RTBDN: variants seen among roughly 807,000 people sequenced by gnomAD.
RTBDN encodes retbindin.
In RTBDN, 24 loss-of-function variants were observed where a neutral mutation model predicts 21.9. That is an observed-to-expected ratio of 1.10 (90% CI 0.79 to 1.54). The LOEUF (loss-of-function observed/expected upper bound fraction) is 1.54, where lower values mean the gene tolerates loss of function less well. Among genes scored for constraint, RTBDN ranks in the 40% most tolerant of loss-of-function variants. RTBDN has a pLI of 0.00. For synonymous variants in RTBDN, 141 were observed against 125.9 expected (o/e 1.12, Z -0.80); for missense variants, 325 against 315.2 (o/e 1.03, Z -0.23).
intron 4 of RTBDN, 131 bp downstream of exon 4, chr19:12,828,526 A>G (rs934441841): frequency 1.5e-6 from 1 of 648,758 alleles, no homozygotes; most frequent in Non-Finnish European, 2.6e-6. Flanking sequence ...TCTAAACATT[A>G]AGCTGCATCT....
rs778426666 is a variant in RTBDN, at chr19:12,829,775, G to C, written c.169+36C>G. On this transcript the variant is annotated intron_variant, in intron 2 of 5. Transcript: ENST00000674343. Reference sequence around the variant, plus strand: ...CATGGCAGGGTAGGTGTGGGTTTCTGGGTGTTGGTGGTGAGGCAGGGTCTG... The same window carrying C: ...CATGGCAGGGTAGGTGTGGGTTTCTCGGTGTTGGTGGTGAGGCAGGGTCTG... 119 of 1,581,268 alleles carry C rather than the reference G, an allele frequency of 7.5e-5. No individual in the cohort carries two copies. In the Middle Eastern group the frequency reaches 1.2e-3, roughly 16 times the overall value.
At position 12,825,882 on chromosome 19, in the gene RTBDN, G is replaced by C; in HGVS notation, c.514C>G (p.Pro172Ala). The change falls in exon 6 of 6, where the codon CCG (proline) becomes GCG (alanine). Residue 172 changes from proline to alanine, a missense_variant. By Grantham distance (27) the Pro-to-Ala change is conservative. Coordinates refer to ENST00000674343, the MANE Select transcript of RTBDN (RefSeq NM_001270441.2). Reference sequence around the variant, plus strand: ...TGACGGGCTCCAGGAGCAGCCACCGGTAGGGCGTGGCCCAGAGCCGAGCGA... The same window carrying C: ...TGACGGGCTCCAGGAGCAGCCACCGCTAGGGCGTGGCCCAGAGCCGAGCGA... ...LCRSALGHAL[P>A]VAAPGARHCF... 2 of 1,613,140 alleles carry C rather than the reference G, an allele frequency of 1.2e-6. No homozygotes were observed. Among genetic ancestry groups the C allele is most frequent in the Non-Finnish European group, 8.5e-7 (1 of 1,179,632 alleles).
In RTBDN at chr19:12,829,688, A is replaced by C. The variant is rs1453225877; in HGVS notation, c.169+123T>G. On this transcript the variant is annotated intron_variant, in intron 2 of 5. Transcript: ENST00000674343. ...TTCTTATCCACCATTCTTCAGCACT[A>C]TCCGTGCCTCCCACCTTGGTGGCCA... The C allele has an allele frequency of 3.2e-6, 3 of 939,134 alleles. No homozygotes were observed. In the Admixed American group the frequency reaches 7.8e-5, roughly 24 times the overall value. The allele number at this position is 939,134 out of a possible 1,614,324, so 58.2% of individuals were successfully genotyped here.
chr19:12,825,746 G>T lies in RTBDN; in HGVS notation c.650C>A (p.Ala217Glu). 6.2e-7 allele frequency: 1 copy of T among 1,602,038 alleles called. No individual in the cohort carries two copies. Among genetic ancestry groups the T allele is most frequent in the Non-Finnish European group, 8.5e-7 (1 of 1,175,048 alleles). The change falls in exon 6 of 6, where the codon GCG becomes GAG. Residue 217 changes from alanine (A) to glutamate (E), a missense_variant. Transcript: ENST00000674343. ...RSPRTSILDAAGSGSGSGSGS... is the reference protein window; with the variant it reads ...RSPRTSILDAEGSGSGSGSGS... Reference sequence around the variant, plus strand: ...GCTTCCACTGCCACTCCCGCTGCCCGCAGCGTCCAGGATGGAGGTGCGAGG... The same window carrying T: ...GCTTCCACTGCCACTCCCGCTGCCCTCAGCGTCCAGGATGGAGGTGCGAGG...
intron 2 of RTBDN, 172 bp from the exon 3 acceptor site, chr19:12,829,125 A>G: frequency 1.9e-6 from 2 of 1,073,582 alleles, no homozygotes; most frequent in Admixed American, 2.9e-5. Context: ...AGTAATAATC[A>G]TTTCTTGTTT....
chr19:12,826,409 G>A (rs775695974), intron 5 of RTBDN: 1 of 1,265,818 alleles, frequency 7.9e-7, no homozygotes, highest in Admixed American at 2.8e-5. Flanking sequence ...AGAACTTGGT[G>A]GGGGCCGGGG....
intron 5 of RTBDN, 47 bp from the exon 6 acceptor site, chr19:12,825,980 G>A (rs370158241): frequency 1.3e-6 from 2 of 1,498,566 alleles, no homozygotes; most frequent in Non-Finnish European, 1.8e-6. Flanking sequence ...GTCCAGAGAC[G>A]TGGGGGGCGT....
Position 12,825,861 on chromosome 19 carries a change from G to C in RTBDN, c.535C>G (p.Arg179Gly). ...GAGATGGAGATGTTGAAGCAGTGACGGGCTCCAGGAGCAGCCACCGGTAGG... is the reference window on the plus strand; with the variant it reads ...GAGATGGAGATGTTGAAGCAGTGACCGGCTCCAGGAGCAGCCACCGGTAGG... ...HALPVAAPGA[R>G]HCFNISISAV... Residue 179 changes from arginine (R) to glycine (G), a missense_variant, in exon 6 of 6, where the codon CGT becomes GGT. Arg to Gly is a moderately radical substitution (Grantham distance 125). Coordinates refer to ENST00000674343, the MANE Select transcript of RTBDN (RefSeq NM_001270441.2). The C allele has an allele frequency of 1.2e-6, 2 of 1,613,380 alleles. No homozygotes were observed. The highest frequency in any genetic ancestry group is 1.1e-5 in the South Asian group (1 of 91,012).
At chr19:12,829,175 C>A in intron 2 of RTBDN, 1 of 690,508 alleles carries the variant, frequency 1.4e-6, no homozygotes, top group Non-Finnish European at 2.3e-6. Flanking sequence ...GGTAGTGACA[C>A]ATATACTTAA....
chr19:12,831,113 A>G (rs1406516840), intron 1 of RTBDN, among the ~76,000 whole-genome samples: 1 of 151,486 alleles, frequency 6.6e-6, no homozygotes, highest in Non-Finnish European at 1.5e-5. Flanking sequence ...TTTGCAGTTG[A>G]ATAAAACAGG....
Position 12,830,360 on chromosome 19 carries a change from T to G in RTBDN, c.-18-363A>C. Reference sequence around the variant, plus strand: ...AGGTCTTCCAATCCCCCTCTCCTGTTCAGTAATTCCTCCCTCTCTTCTATG... The same window carrying G: ...AGGTCTTCCAATCCCCCTCTCCTGTGCAGTAATTCCTCCCTCTCTTCTATG... On this transcript the variant is annotated intron_variant, in intron 1 of 5. Transcript: ENST00000674343. The surrounding 1 kb of genome is among the most constrained non-coding windows in gnomAD (Gnocchi z 4.2). 1 of 1,011,040 alleles carries G rather than the reference T, an allele frequency of 9.9e-7. No homozygotes were observed. Among genetic ancestry groups the G allele is most frequent in the Non-Finnish European group, 1.2e-6 (1 of 846,812 alleles). The allele number at this position is 1,011,040 out of a possible 1,614,324, so 62.6% of individuals were successfully genotyped here.
rs56204944 is a variant in RTBDN, at chr19:12,831,016, T to TTGTGTGTG, written c.-18-1027_-18-1020dup. On this transcript the variant is annotated intron_variant, in intron 1 of 5. Transcript: ENST00000674343. ...TTATGTGTGTTTCTTGGTGGAGTGG[T>TTGTGTGTG]TGTGTGTGTGTGTGTGTGTGTGTGT... Among the ~76,000 whole-genome samples the TTGTGTGTG allele has an allele frequency of 9.7e-4, 128 of 132,472 alleles. 1 individual carries two copies. Among genetic ancestry groups the TTGTGTGTG allele is most frequent in the Non-Finnish European group, 1.6e-3 (102 of 62,250 alleles). The allele number at this position is 132,472 out of a possible 152,430, so 86.9% of individuals were successfully genotyped here.
At chr19:12,829,058 T>C (rs1816542548) in intron 2 of RTBDN, 105 bp from the exon 3 acceptor site, 8 of 1,532,942 alleles carry the variant, frequency 5.2e-6, no homozygotes, top group Non-Finnish European at 7.0e-6. Context: ...ATTACATCAA[T>C]CCTCACAAAC....
intron 2 of RTBDN, 90 bp from the exon 3 acceptor site, chr19:12,829,043 C>T: frequency 6.4e-7 from 1 of 1,562,162 alleles, no homozygotes; most frequent in African/African-American, 1.4e-5. Flanking sequence ...ACAGGGGAGA[C>T]AACAATTACA....
Position 12,830,588 on chromosome 19 carries a change from G to C in RTBDN, c.-18-591C>G. ...GTGGAGACAAGACTGTCCCCTTCCC[G>C]CCTCCCCGCATTCAGCCCCTCACCT... On this transcript the variant is annotated intron_variant, in intron 1 of 5. Transcript: ENST00000674343. The surrounding 1 kb of genome is among the most constrained non-coding windows in gnomAD (Gnocchi z 4.2). 3.0e-6 allele frequency: 3 copies of C among 985,466 alleles called. No homozygotes were observed. The highest frequency in any genetic ancestry group is 3.6e-6 in the Non-Finnish European group (3 of 829,986). 61.0% of individuals were successfully genotyped at this position (985,466 alleles called of 1,614,324 possible).
In RTBDN at chr19:12,825,561, G is replaced by T; in HGVS notation, c.*145C>A. 8.2e-7 allele frequency: 1 copy of T among 1,224,336 alleles called. No individual in the cohort carries two copies. The highest frequency in any genetic ancestry group is 1.1e-6 in the Non-Finnish European group (1 of 914,802). 75.8% of individuals were successfully genotyped at this position (1,224,336 alleles called of 1,614,324 possible). ...TCATTTCTGGGATAACCTGGAGAGG[G>T]GTGGGTCTCTGGAGCTCCAGGGAGG... On this transcript the variant is annotated 3_prime_UTR_variant, in exon 6 of 6. Transcript: ENST00000674343.
At position 12,830,283 on chromosome 19, in the gene RTBDN, T is replaced by A; in HGVS notation, c.-18-286A>T. The A allele has an allele frequency of 8.6e-7, 1 of 1,164,264 alleles. No homozygotes were observed. Among genetic ancestry groups the A allele is most frequent in the Non-Finnish European group, 1.1e-6 (1 of 941,742 alleles). The allele number at this position is 1,164,264 out of a possible 1,614,324, so 72.1% of individuals were successfully genotyped here. On this transcript the variant is annotated intron_variant, in intron 1 of 5. Coordinates refer to ENST00000674343, the MANE Select transcript of RTBDN (RefSeq NM_001270441.2). This position sits in a 1 kb window ranked among gnomAD's most constrained non-coding sequence, Gnocchi z 4.2. ...CTCCCATCCAGCAGGATCTCCCACC[T>A]TTTTAGTCTTCAAGAGACCCCTTCT...
At position 12,828,952 on chromosome 19, in the gene RTBDN, TC is replaced by T. The variant is rs1476949877; in HGVS notation, c.170del (p.Gly57AspfsTer206). On this transcript the variant is annotated frameshift_variant and splice_region_variant, in exon 3 of 6. Coordinates refer to ENST00000674343, the MANE Select transcript of RTBDN (RefSeq NM_001270441.2). LOFTEE classifies it high-confidence loss of function. ...TGTCCATCTCTGAGGGACAACAAGGTCCTGGCAAAGGGGAACCCTGTGAGCT... is the reference window on the plus strand; with the variant it reads ...TGTCCATCTCTGAGGGACAACAAGGTCTGGCAAAGGGGAACCCTGTGAGCT... ...DLGKGKLHLAGPCCPSEMDTT... is the reference protein window; with the variant it reads ...DLGKGKLHLAXPCCPSEMDTT... 1 of 1,614,078 alleles carries T rather than the reference TC, an allele frequency of 6.2e-7. No homozygotes were observed. The highest frequency in any genetic ancestry group is 8.5e-7 in the Non-Finnish European group (1 of 1,179,992).
chr19:12,828,652 C>T lies in RTBDN; in HGVS notation c.365+5G>A, dbSNP rs1969419549. The stretch of plus-strand genomic sequence containing the variant: ...ACCCACGCCCCTTGCCCCCGCGTCT[C>T]CTACCAGGCCTGGCAGAGCTCCTCG... On this transcript the variant is annotated splice_donor_5th_base_variant and intron_variant, in intron 4 of 5. Transcript: ENST00000674343. 1.2e-6 allele frequency: 2 copies of T among 1,608,876 alleles called. No homozygotes were observed. The highest frequency in any genetic ancestry group is 1.7e-6 in the Non-Finnish European group (2 of 1,176,998).
Sources: gnomAD v4.1 joint callset for allele counts (sites outside exome capture counted in the v4.1 genomes callset) on GRCh38, gnomAD v4.1.1 for gene constraint, Gnocchi (gnomAD v3.1) non-coding constraint, MANE v1.5 for transcripts, NCBI Gene and HGNC (gene_info 2026-07-23, HGNC 2026-07-21) for gene names.